Variants in NF1 observed in about 807,000 individuals in gnomAD.
NF1 encodes the protein neurofibromin 1.
In NF1, 122 loss-of-function variants were observed where a neutral mutation model predicts 325.7. The ratio of observed to expected loss-of-function variants is 0.37; its 90% CI spans 0.32 to 0.44. The LOEUF is 0.44. Among genes scored for constraint, NF1 ranks in the 20% least tolerant of loss-of-function variants. The pLI is 1.00. For synonymous variants in NF1, 1,091 were observed against 1,186.0 expected (o/e 0.92, Z 1.65); for missense variants, 2,140 against 3,415.4 (o/e 0.63, Z 9.31).
At chr17:31,214,296 A>C (rs1337420629) in intron 12 of NF1, among the ~76,000 whole-genome samples, 155 bp from the exon 13 acceptor site, 1 of 152,108 alleles carries the variant, frequency 6.6e-6, no homozygotes, top group Non-Finnish European at 1.5e-5. Context: ...TACTGACCTT[A>C]TGCTTACTAT....
At chr17:31,130,699 T>C (rs1254429230) in intron 1 of NF1, among the ~76,000 whole-genome samples, 2 of 152,124 alleles carry the variant, frequency 1.3e-5, no homozygotes, top group East Asian at 1.9e-4. Context: ...ACAATGGCCA[T>C]GGAGGGATAG....
intron 11 of NF1, among the ~76,000 whole-genome samples, chr17:31,205,332 T>A (rs889635433): frequency 2.0e-5 from 3 of 152,268 alleles, no homozygotes; most frequent in African/African-American, 7.2e-5. Flanking sequence ...CCAGATTTTT[T>A]AAATAAACAT....
chr17:31,241,735 T>C (rs1271281638), intron 29 of NF1, among the ~76,000 whole-genome samples: 4 of 152,266 alleles, frequency 2.6e-5, no homozygotes, highest in African/African-American at 9.6e-5. Context: ...TGAAAAGCTG[T>C]AGTTATTTGT....
chr17:31,230,012 GA>G, intron 22 of NF1, 38 bp downstream of exon 22: 1 of 1,610,708 alleles, frequency 6.2e-7, no homozygotes, highest in Non-Finnish European at 8.5e-7. Context: ...AACATTTTAA[GA>G]GATAAGAAAA....
At chr17:31,234,738 A>G (rs1340317875) in intron 27 of NF1, among the ~76,000 whole-genome samples, 1 of 149,502 alleles carries the variant, frequency 6.7e-6, no homozygotes, top group Non-Finnish European at 1.5e-5. Flanking sequence ...TGAGTTTTAT[A>G]TTAAATGACT....
At chr17:31,344,705 A>G (rs565077155) in intron 48 of NF1, among the ~76,000 whole-genome samples, 2 of 152,380 alleles carry the variant, frequency 1.3e-5, no homozygotes, top group South Asian at 4.1e-4. Context: ...CTCAAAAAAT[A>G]CTACCTTACT....
chr17:31,146,209 GC>G (rs1238149927), intron 1 of NF1, among the ~76,000 whole-genome samples: 1 of 151,174 alleles, frequency 6.6e-6, no homozygotes, highest in Non-Finnish European at 1.5e-5. Context: ...TCTCTTCCAG[GC>G]TCATTGGTTG....
chr17:31,195,224 T>G (rs1196211162), intron 8 of NF1, among the ~76,000 whole-genome samples: 2 of 152,118 alleles, frequency 1.3e-5, no homozygotes, highest in African/African-American at 4.8e-5. Context: ...TGACCTTCAG[T>G]TTATACTTTT....
chr17:31,321,766 G>C (rs1466681296), intron 36 of NF1: 1 of 151,324 alleles, frequency 6.6e-6, no homozygotes, highest in Non-Finnish European at 1.5e-5. Context: ...CCACTGGCAT[G>C]ACAGGAGGCT....
At chr17:31,126,427 A>G (rs929211098) in intron 1 of NF1, among the ~76,000 whole-genome samples, 1 of 151,798 alleles carries the variant, frequency 6.6e-6, no homozygotes, top group East Asian at 1.9e-4. Context: ...ATTCATAGCA[A>G]TTTTTTATGG....
At chr17:31,238,530 C>G (rs976802967) in intron 29 of NF1, among the ~76,000 whole-genome samples, 2 of 151,966 alleles carry the variant, frequency 1.3e-5, no homozygotes, top group East Asian at 1.9e-4. Flanking sequence ...GTCAGGAGAT[C>G]GAGACCATAC....
intron 37 of NF1, among the ~76,000 whole-genome samples, chr17:31,326,690 A>G (rs1328309010): frequency 6.6e-6 from 1 of 152,130 alleles, no homozygotes; most frequent in Admixed American, 6.5e-5. Flanking sequence ...GAAGACCAAC[A>G]TTTGTGTCAT....
At chr17:31,129,000 A>G (rs1022905822) in intron 1 of NF1, among the ~76,000 whole-genome samples, 1 of 151,538 alleles carries the variant, frequency 6.6e-6, no homozygotes, top group African/African-American at 2.4e-5. Context: ...TGAGAGGTCC[A>G]TTGTTAGTCT....
rs974310759 is a variant in NF1, at chr17:31,327,783, T to C, written c.5553T>C (p.Pro1851=). The C allele has an allele frequency of 3.1e-6, 5 of 1,614,196 alleles. No homozygotes were observed. The highest frequency in any genetic ancestry group is 1.7e-5 in the Admixed American group (1 of 60,026). Residue 1851 remains proline (P), a synonymous_variant, in exon 38 of 58, where the codon CCT becomes CCC. Coordinates refer to ENST00000358273, the MANE Select transcript of NF1 (RefSeq NM_001042492.3). ...QHTKIRPKDV[P]GTLLNIALLN... ...CCAAGATTCGGCCAAAAGATGTCCC[T>C]GGGACACTGCTCAATATCGCATTAC...
chr17:31,110,983 C>T (rs1014109914), intron 1 of NF1, among the ~76,000 whole-genome samples: 7 of 151,990 alleles, frequency 4.6e-5, no homozygotes, highest in South Asian at 2.1e-4. Context: ...CTGTTTTGTT[C>T]GTTGTTGTAC....
chr17:31,220,852 G>T (rs572537632), intron 14 of NF1, among the ~76,000 whole-genome samples: 1 of 152,024 alleles, frequency 6.6e-6, no homozygotes, highest in Non-Finnish European at 1.5e-5. Flanking sequence ...ATTGTACCAC[G>T]TTTTTGTACA....
intron 4 of NF1, among the ~76,000 whole-genome samples, chr17:31,165,457 A>G (rs2065829649): frequency 6.6e-6 from 1 of 152,216 alleles, no homozygotes; most frequent in African/African-American, 2.4e-5. Flanking sequence ...TTAGGTTGGA[A>G]CATCTTATGC....
intron 36 of NF1, among the ~76,000 whole-genome samples, chr17:31,280,662 A>G (rs190665575): frequency 6.6e-6 from 1 of 152,102 alleles, no homozygotes; most frequent in African/African-American, 2.4e-5. Context: ...ACAATTTCCT[A>G]ATTGGAGTAT....
At position 31,327,560 on chromosome 17, in the gene NF1, T is replaced by G; in HGVS notation, c.5330T>G (p.Val1777Gly). The change falls in exon 38 of 58, where the codon GTC (valine) becomes GGC (glycine). Residue 1777 changes from valine (V) to glycine (G), a missense_variant. By Grantham distance (109) the Val-to-Gly change is moderately radical. Coordinates refer to ENST00000358273, the MANE Select transcript of NF1 (RefSeq NM_001042492.3). ...CGAACAAAAGTCCTAGGGCAATCAG[T>G]CTTTCTAAATGACATTTATTATGCT... The part of the protein sequence containing the change: ...AERTKVLGQS[V>G]FLNDIYYASE... 1.2e-6 allele frequency: 2 copies of G among 1,614,168 alleles called. No individual in the cohort carries two copies. The highest frequency in any genetic ancestry group is 1.7e-6 in the Non-Finnish European group (2 of 1,180,024).
Sources: gnomAD v4.1 joint callset for allele counts (sites outside exome capture counted in the v4.1 genomes callset) on GRCh38, gnomAD v4.1.1 for gene constraint, MANE v1.5 for transcripts, NCBI Gene and HGNC (gene_info 2026-07-23, HGNC 2026-07-21) for gene names.